GGA2: variants seen among roughly 807,000 people sequenced by gnomAD.
GGA2 encodes the protein golgi associated, gamma adaptin ear containing, ARF binding protein 2.
In GGA2, 48 loss-of-function variants were observed where a neutral mutation model predicts 79.5. That is an observed-to-expected ratio of 0.60 (90% CI 0.48 to 0.77). The LOEUF is 0.77. GGA2 is among the 30% of genes least tolerant of loss of function. GGA2 has a pLI of 0.00. For missense variants in GGA2, 770 were observed against 774.0 expected (o/e 0.99, Z 0.06); for synonymous variants, 317 against 302.0 (o/e 1.05, Z -0.51).
Position 23,467,386 on chromosome 16 carries a change from G to GC in GGA2, c.*203_*204insG, listed in dbSNP as rs1567356478. On this transcript the variant is annotated 3_prime_UTR_variant, in exon 17 of 17. Coordinates refer to ENST00000309859, the MANE Select transcript of GGA2 (RefSeq NM_015044.4). Reference sequence around the variant, plus strand: ...AGCCCTGTGCTACCACCCTCTCCCCGAACACACACACACACACACACACAC... The same window carrying GC: ...AGCCCTGTGCTACCACCCTCTCCCCGCAACACACACACACACACACACACAC... The GC allele has an allele frequency of 6.4e-5, 17 of 264,850 alleles. No individual in the cohort carries two copies. The highest frequency in any genetic ancestry group is 3.8e-4 in the African/African-American group (7 of 18,392). The allele number at this position is 264,850 out of a possible 1,614,324, so 16.4% of individuals were successfully genotyped here. A position where few individuals can be genotyped will look rare whatever the true frequency, so the allele number is the denominator to read the frequency against.
chr16:23,489,591 G>A (rs575496120), intron 5 of GGA2, among the ~76,000 whole-genome samples: 4 of 152,190 alleles, frequency 2.6e-5, no homozygotes, highest in Non-Finnish European at 2.9e-5. Flanking sequence ...CAACAACCAA[G>A]TAACCTGAAA....
At chr16:23,477,381 G>A (rs1179206636) in intron 13 of GGA2, among the ~76,000 whole-genome samples, 3 of 152,174 alleles carry the variant, frequency 2.0e-5, no homozygotes, top group African/African-American at 7.2e-5. Context: ...AGTCTCATGA[G>A]ACCTGATGGT....
intron 4 of GGA2, 41 bp downstream of exon 4, chr16:23,493,319 T>A (rs1033908969): frequency 1.7e-6 from 2 of 1,161,488 alleles, no homozygotes; most frequent in Non-Finnish European, 2.6e-6. Flanking sequence ...ACAGTGGGCG[T>A]AGGTGCGACA....
chr16:23,493,518 C>T (rs747948728), intron 3 of GGA2, 60 bp from the exon 4 acceptor site: 1 of 1,090,398 alleles, frequency 9.2e-7, no homozygotes, highest in Non-Finnish European at 1.4e-6. Flanking sequence ...GGCTCCCCTC[C>T]AGGCTGGTAA....
intron 14 of GGA2, among the ~76,000 whole-genome samples, chr16:23,473,924 T>C (rs1964545765): frequency 6.6e-6 from 1 of 152,228 alleles, no homozygotes; most frequent in Non-Finnish European, 1.5e-5. Flanking sequence ...TAAATTTGTC[T>C]GCCTGGCTTT....
chr16:23,495,950 A>G (rs1964849760), intron 1 of GGA2, among the ~76,000 whole-genome samples, 172 bp from the exon 2 acceptor site: 1 of 152,204 alleles, frequency 6.6e-6, no homozygotes, highest in South Asian at 2.1e-4. Context: ...CACCCAGCAC[A>G]GCATTGGGCA....
intron 2 of GGA2, among the ~76,000 whole-genome samples, chr16:23,517,075 T>C (rs1965107589): frequency 6.6e-6 from 1 of 152,162 alleles, no homozygotes; most frequent in Admixed American, 6.5e-5. Flanking sequence ...ATAAATCTTA[T>C]TTAAGATTTA....
At chr16:23,485,516 G>A (rs1201455099) in intron 8 of GGA2, among the ~76,000 whole-genome samples, 1 of 152,094 alleles carries the variant, frequency 6.6e-6, no homozygotes, top group Non-Finnish European at 1.5e-5. Flanking sequence ...AGTAATCCCA[G>A]ACATTTACCC....
At chr16:23,475,684 A>C (rs1252626298) in intron 13 of GGA2, among the ~76,000 whole-genome samples, 1 of 150,886 alleles carries the variant, frequency 6.6e-6, no homozygotes, top group Non-Finnish European at 1.5e-5. Flanking sequence ...CAGGTGGATC[A>C]TTTGAGGTCA....
chr16:23,513,833 A>G (rs76476487), upstream of GGA2, among the ~76,000 whole-genome samples: 1,982 of 151,698 alleles, frequency 0.013, 48 homozygotes, highest in African/African-American at 0.045. Context: ...GAAAAGAAAA[A>G]AAAAGCAATT....
rs371310485 is a variant in GGA2, at chr16:23,493,317, C to T, written c.351+43G>A. ...AGGGAGCCAGGAGTTTGACAGTGGGCGTAGGTGCGACACAGTCAGCAGAGC... is the reference window on the plus strand; with the variant it reads ...AGGGAGCCAGGAGTTTGACAGTGGGTGTAGGTGCGACACAGTCAGCAGAGC... On this transcript the variant is annotated intron_variant, in intron 4 of 16. Transcript: ENST00000309859. 5 of 1,140,654 alleles carry T rather than the reference C, an allele frequency of 4.4e-6. No homozygotes were observed. In the Admixed American group the frequency reaches 5.0e-5, roughly 12 times the overall value. 70.7% of individuals were successfully genotyped at this position (1,140,654 alleles called of 1,614,324 possible). A position where few individuals can be genotyped will look rare whatever the true frequency, so the allele number is the denominator to read the frequency against.
intron 1 of GGA2, among the ~76,000 whole-genome samples, chr16:23,500,497 G>A (rs538981421): frequency 4.6e-5 from 7 of 152,096 alleles, no homozygotes; most frequent in South Asian, 2.1e-4. Flanking sequence ...GATGGAACAC[G>A]CTGTTGCCCA....
intron 2 of GGA2, among the ~76,000 whole-genome samples, chr16:23,516,710 A>C (rs1484235028): frequency 6.6e-6 from 1 of 152,028 alleles, no homozygotes; most frequent in Non-Finnish European, 1.5e-5. Flanking sequence ...CTGGCCATGC[A>C]CCTCAGGGAC....
intron 12 of GGA2, 106 bp downstream of exon 12, chr16:23,478,777 G>A (rs754586811): frequency 1.4e-5 from 12 of 845,134 alleles, no homozygotes; most frequent in African/African-American, 1.2e-4. Context: ...TGATCCCACC[G>A]GGACAGTGCA....
intron 11 of GGA2, 96 bp from the exon 12 acceptor site, chr16:23,479,007 A>C: frequency 1.1e-6 from 1 of 878,858 alleles, no homozygotes; most frequent in Non-Finnish European, 1.9e-6. Flanking sequence ...GACATCCAGA[A>C]AGTCTAGACA....
chr16:23,471,044 G>T (rs1427322647), intron 14 of GGA2, among the ~76,000 whole-genome samples: 7 of 151,794 alleles, frequency 4.6e-5, no homozygotes, highest in African/African-American at 1.7e-4. Context: ...TGGTCAGGCT[G>T]GGGGAGGTCA....
chr16:23,511,394 C>A (rs772702107), upstream of GGA2, among the ~76,000 whole-genome samples: 6 of 151,678 alleles, frequency 4.0e-5, no homozygotes, highest in Non-Finnish European at 7.4e-5. Context: ...CTCCTGACCT[C>A]GTGATCTGCC....
intron 5 of GGA2, 145 bp downstream of exon 5, chr16:23,491,532 A>T (rs1463089080): frequency 9.3e-5 from 7 of 74,994 alleles, no homozygotes; most frequent in African/African-American, 6.2e-4. Context: ...TTATTGCGTA[A>T]AAAAAAAAAA....
intron 1 of GGA2, among the ~76,000 whole-genome samples, chr16:23,499,161 T>C (rs887215327): frequency 1.3e-5 from 2 of 151,312 alleles, no homozygotes; most frequent in African/African-American, 4.9e-5. Flanking sequence ...TTTTTTTTTT[T>C]TGATATGGAG....
Sources: gnomAD v4.1 joint callset for allele counts (sites outside exome capture counted in the v4.1 genomes callset) on GRCh38, gnomAD v4.1.1 for gene constraint, MANE v1.5 for transcripts, NCBI Gene and HGNC (gene_info 2026-07-23, HGNC 2026-07-21) for gene names.